SOX5: variants seen among roughly 807,000 people sequenced by gnomAD.
SOX5 encodes SRY-box transcription factor 5, also known as transcription factor SOX-5.
In SOX5, 9 loss-of-function variants were observed where a neutral mutation model predicts 92.0. That is an observed-to-expected ratio of 0.10 (90% CI 0.06 to 0.17). SOX5 has a LOEUF of 0.17. Among genes scored for constraint, SOX5 ranks in the 10% least tolerant of loss-of-function variants. The pLI, the probability that SOX5 is intolerant of heterozygous loss-of-function variation, is 1.00. For missense variants in SOX5, 642 were observed against 944.5 expected, an observed-to-expected ratio of 0.68 and a Z score of 4.20; for synonymous variants, 344 against 336.3, an observed-to-expected ratio of 1.02 and a Z score of -0.25.
At chr12:24,072,896 A>AT (rs902515750) in intron 4 of SOX5, among the ~76,000 whole-genome samples, 1 of 151,840 alleles carries the variant, frequency 6.6e-6, no homozygotes, top group Non-Finnish European at 1.5e-5. Flanking sequence ...AACACATAAA[A>AT]TTTTTTTTTA....
At chr12:24,252,449 A>T (rs554835697) in intron 3 of SOX5, among the ~76,000 whole-genome samples, 2 of 152,092 alleles carry the variant, frequency 1.3e-5, no homozygotes, top group East Asian at 3.9e-4. Context: ...GAATGAAAAG[A>T]TTCGCTTTGG....
At chr12:24,458,316 G>GTCTTC (rs1213980820) in intron 1 of SOX5, among the ~76,000 whole-genome samples, 1 of 152,114 alleles carries the variant, frequency 6.6e-6, no homozygotes, top group Non-Finnish European at 1.5e-5. Context: ...TTGGTTCAGT[G>GTCTTC]TCTTCTCTAA....
In SOX5 at chr12:23,895,793, C is replaced by A. The variant is rs1285982017; in HGVS notation, c.270G>T (p.Met90Ile). ...GCACAATAAACCATGAGAAACCTAC[C>A]ATTGTATTGTGCTGAGAAGTGGGAG... is the stretch of plus-strand genomic sequence containing the variant. ...HRTPTSQHNT[M>I]EVDGNKVMSS... The change falls in exon 2 of 15, where the codon ATG (methionine) becomes ATT (isoleucine). Residue 90 changes from methionine (M) to isoleucine (I), a missense_variant and splice_region_variant. Physicochemically the swap from Met to Ile is conservative, Grantham distance 10. This residue lies in a region of SOX5 where 113 missense variants were observed against 117.7 expected (regional missense o/e 0.96). Transcript: ENST00000451604. The A allele has an allele frequency of 6.3e-7, 1 of 1,598,532 alleles. No homozygotes were observed. The highest frequency in any genetic ancestry group is 2.2e-5 in the East Asian group (1 of 44,796).
At chr12:23,796,471 C>A (rs892376264) in intron 3 of SOX5, among the ~76,000 whole-genome samples, 11 of 151,952 alleles carry the variant, frequency 7.2e-5, no homozygotes, top group African/African-American at 2.4e-4. Context: ...ATAGCTAATG[C>A]TTAAAAATCA....
chr12:23,954,789 T>C (rs1946085351), upstream of SOX5, among the ~76,000 whole-genome samples: 3 of 152,174 alleles, frequency 2.0e-5, no homozygotes, highest in Middle Eastern at 3.4e-3. Context: ...AGATTGCATA[T>C]TTGAAGAAAC....
intron 1 of SOX5, among the ~76,000 whole-genome samples, chr12:24,434,487 T>C (rs1939017066): frequency 6.6e-6 from 1 of 152,200 alleles, no homozygotes; most frequent in South Asian, 2.1e-4. Context: ...CCCTTCTCTG[T>C]ACTCCTAAAG....
At chr12:24,392,627 CATCTGATTA>C (rs1566056124) in intron 1 of SOX5, among the ~76,000 whole-genome samples, 2 of 152,066 alleles carry the variant, frequency 1.3e-5, no homozygotes, top group Non-Finnish European at 2.9e-5. Context: ...TTATTTCTTT[CATCTGATTA>C]ATCGCTATCT....
chr12:24,074,484 TTTGA>T (rs1358017773), intron 4 of SOX5, among the ~76,000 whole-genome samples: 1 of 152,040 alleles, frequency 6.6e-6, no homozygotes, highest in Non-Finnish European at 1.5e-5. Context: ...TTAGTACCTA[TTTGA>T]TTAATGACAA....
At chr12:23,909,353 G>C (rs1315688385) in intron 1 of SOX5, among the ~76,000 whole-genome samples, 4 of 152,106 alleles carry the variant, frequency 2.6e-5, no homozygotes, top group African/African-American at 9.7e-5. Flanking sequence ...TCTAGTTTTA[G>C]ATGGTAATAT....
At chr12:24,123,005 C>A (rs998066622) in intron 4 of SOX5, among the ~76,000 whole-genome samples, 2 of 152,250 alleles carry the variant, frequency 1.3e-5, no homozygotes, top group African/African-American at 4.8e-5. Context: ...AAAAGCCAAA[C>A]CAGATTTCAC....
chr12:23,562,416 T>G (rs959712973), intron 11 of SOX5, among the ~76,000 whole-genome samples: 7 of 152,246 alleles, frequency 4.6e-5, no homozygotes, highest in African/African-American at 1.7e-4. Flanking sequence ...CTGCTCATTC[T>G]GGACAAGTCT....
intron 8 of SOX5, among the ~76,000 whole-genome samples, chr12:23,619,478 A>C (rs1210205677): frequency 1.3e-5 from 2 of 152,160 alleles, no homozygotes; most frequent in Non-Finnish European, 2.9e-5. Context: ...GTTGGAATCC[A>C]AATCTTTTTG....
chr12:24,118,607 A>C (rs1398682942), intron 4 of SOX5, among the ~76,000 whole-genome samples: 1 of 152,158 alleles, frequency 6.6e-6, no homozygotes, highest in Non-Finnish European at 1.5e-5. Context: ...ATCTCTATTC[A>C]TCAGTAATTG....
At chr12:24,314,528 T>A (rs1312624609) in intron 2 of SOX5, among the ~76,000 whole-genome samples, 3 of 149,286 alleles carry the variant, frequency 2.0e-5, no homozygotes, top group Admixed American at 6.8e-5. Context: ...AAATAAAAAT[T>A]AAAAAATAAA....
intron 2 of SOX5, among the ~76,000 whole-genome samples, chr12:24,354,883 A>C (rs1954602512): frequency 6.6e-6 from 1 of 152,214 alleles, no homozygotes; most frequent in African/African-American, 2.4e-5. Context: ...GGCCCAATCA[A>C]GGATGCTTAA....
intron 4 of SOX5, among the ~76,000 whole-genome samples, chr12:24,164,685 T>C (rs1351861237): frequency 2.0e-5 from 3 of 152,090 alleles, no homozygotes; most frequent in African/African-American, 7.2e-5. Flanking sequence ...AGGAAATAGA[T>C]TGGCAAATAT....
intron 8 of SOX5, among the ~76,000 whole-genome samples, chr12:23,635,372 CA>C (rs1254075639): frequency 6.6e-6 from 1 of 152,108 alleles, no homozygotes; most frequent in African/African-American, 2.4e-5. Flanking sequence ...CAGAAAGGGA[CA>C]TGGATGAAGC....
intron 2 of SOX5, among the ~76,000 whole-genome samples, chr12:24,323,643 G>A (rs1034950663): frequency 6.6e-6 from 1 of 151,964 alleles, no homozygotes; most frequent in Non-Finnish European, 1.5e-5. Context: ...TGTCAAGTTG[G>A]GAGTATTTTA....
intron 4 of SOX5, among the ~76,000 whole-genome samples, chr12:24,194,419 AGGTAGGTAGGTATGTAG>A (rs1378295737): frequency 3.8e-5 from 4 of 104,556 alleles, no homozygotes; most frequent in Non-Finnish European, 7.7e-5. Flanking sequence ...GTAGGTAGGT[AGGTAGGTAGGTATGTAG>A]GTAGGTAGGT....
Sources: allele counts gnomAD v4.1 joint callset (sites outside exome capture counted in the v4.1 genomes callset), GRCh38; gene constraint gnomAD v4.1.1; regional missense constraint gnomAD v4.1.1; transcripts MANE v1.5; gene names NCBI Gene and HGNC (gene_info 2026-07-23, HGNC 2026-07-21).